CAMK4: variants seen among roughly 807,000 people sequenced by gnomAD.
CAMK4 encodes the protein calcium/calmodulin-dependent protein kinase type IV.
A neutral mutation model predicts 44.9 loss-of-function variants in CAMK4; 22 were observed. The observed-to-expected ratio is 0.49, with a 90% CI of 0.35 to 0.70. The LOEUF (loss-of-function observed/expected upper bound fraction) is 0.70. CAMK4 is among the 30% of genes least tolerant of loss of function. The pLI is 0.01. For synonymous variants in CAMK4, 218 were observed against 215.4 expected, an observed-to-expected ratio of 1.01 and a Z score of -0.11; for missense variants, 498 against 586.8, an observed-to-expected ratio of 0.85 and a Z score of 1.56.
At position 111,253,047 on chromosome 5, in the gene CAMK4, C is replaced by A. The variant is rs534521464; in HGVS notation, c.161+28403C>A. Among the ~76,000 whole-genome samples, 6 of 152,338 alleles carry A rather than the reference C, an allele frequency of 3.9e-5. No individual in the cohort carries two copies. The East Asian group carries it at 1.2e-3, about 29-fold the overall frequency. ...ATTTTTGTCAAACTTGCTTTCTTAT[C>A]TACAGAGAACTTGTTTCTTGTAGGT... On this transcript the variant is annotated intron_variant, in intron 1 of 10. Coordinates refer to ENST00000282356, the MANE Select transcript of CAMK4 (RefSeq NM_001744.6).
At chr5:111,419,380 C>T (rs1259164547) in intron 5 of CAMK4, among the ~76,000 whole-genome samples, 1 of 152,044 alleles carries the variant, frequency 6.6e-6, no homozygotes, top group Non-Finnish European at 1.5e-5. Flanking sequence ...AAATTTTCTC[C>T]CATTTCGTAG....
rs57552178 is a variant in CAMK4 at position 111,238,808 on chromosome 5, C to CT, written c.161+14192dup. ...CTAAAGCTGACTCTCAGAGGCTCTT[C>CT]TTTTTTTTTTTTTTTTTTTTTTTTT... On this transcript the variant is annotated intron_variant, in intron 1 of 10. Coordinates refer to ENST00000282356, the MANE Select transcript of CAMK4 (RefSeq NM_001744.6). Among the ~76,000 whole-genome samples, 360 of 45,938 alleles carry CT rather than the reference C, an allele frequency of 7.8e-3. 20 individuals carry two copies. The highest frequency in any genetic ancestry group is 0.013 in the African/African-American group (145 of 10,986). 30.1% of individuals were successfully genotyped at this position (45,938 alleles called of 152,430 possible). A position where few individuals can be genotyped will look rare whatever the true frequency, so the allele number is the denominator to read the frequency against.
chr5:111,248,785 G>A (rs556302067), intron 1 of CAMK4, among the ~76,000 whole-genome samples: 41 of 152,242 alleles, frequency 2.7e-4, no homozygotes, highest in Non-Finnish European at 5.3e-4. Flanking sequence ...CTAGAGTCTA[G>A]ATGTGATTTA....
chr5:111,227,305 G>T (rs1022163155), intron 1 of CAMK4, among the ~76,000 whole-genome samples: 2 of 152,178 alleles, frequency 1.3e-5, no homozygotes, highest in African/African-American at 4.8e-5. Flanking sequence ...GTTGAACTCA[G>T]GTCATCAGTT....
chr5:111,469,160 AAAAAAAAAAAAAATATATATATATAT>A (rs1487130796), intron 7 of CAMK4, among the ~76,000 whole-genome samples: 13 of 91,392 alleles, frequency 1.4e-4, no homozygotes, highest in African/African-American at 5.2e-4. Context: ...AAAAAAAAAA[AAAAAAAAAAAAAATATATATATATAT>A]ATATATATAT....
At chr5:111,363,680 A>G (rs1750684600) in intron 2 of CAMK4, among the ~76,000 whole-genome samples, 1 of 151,644 alleles carries the variant, frequency 6.6e-6, no homozygotes, top group Non-Finnish European at 1.5e-5. Flanking sequence ...TCAATGAACC[A>G]AGTGAAAAAA....
chr5:111,374,517 T>C (rs942956527), intron 2 of CAMK4, among the ~76,000 whole-genome samples: 3 of 152,038 alleles, frequency 2.0e-5, no homozygotes, highest in African/African-American at 7.2e-5. Flanking sequence ...CAGACTTCCA[T>C]ATAAGAAAGG....
intron 4 of CAMK4, among the ~76,000 whole-genome samples, chr5:111,378,026 T>A (rs1282143978): frequency 6.6e-6 from 1 of 152,116 alleles, no homozygotes; most frequent in African/African-American, 2.4e-5. Flanking sequence ...TCTGAATGTT[T>A]GTGTGCCCCC....
At position 111,493,860 on chromosome 5, in the gene CAMK4, G is replaced by A. The variant is rs947112245; in HGVS notation, c.*9394G>A. The A allele has an allele frequency of 6.6e-6, 1 of 152,124 alleles. No homozygotes were observed. Among genetic ancestry groups the A allele is most frequent in the African/African-American group, 2.4e-5 (1 of 41,430 alleles). The allele number at this position is 152,124 out of a possible 1,614,324, so 9.4% of individuals were successfully genotyped here. A position where few individuals can be genotyped will look rare whatever the true frequency, so the allele number is the denominator to read the frequency against. On this transcript the variant is annotated 3_prime_UTR_variant, in exon 11 of 11. Coordinates refer to ENST00000282356, the MANE Select transcript of CAMK4 (RefSeq NM_001744.6). The surrounding 1 kb of genome is among the most constrained non-coding windows in gnomAD (Gnocchi z 4.1). ...ATTAGTGAATGGCGGCATTATTCCT[G>A]AAGACAAATGAAGGAAGATAGGGAG... is the stretch of plus-strand genomic sequence containing the variant.
intron 5 of CAMK4, among the ~76,000 whole-genome samples, chr5:111,423,880 A>G (rs899362143): frequency 1.3e-5 from 2 of 152,224 alleles, no homozygotes; most frequent in African/African-American, 4.8e-5. Flanking sequence ...TAAAAGCCCT[A>G]AGTACATCAT....
At chr5:111,283,540 T>C (rs566644315) in intron 1 of CAMK4, among the ~76,000 whole-genome samples, 40 of 152,334 alleles carry the variant, frequency 2.6e-4, no homozygotes, top group African/African-American at 9.6e-4. Context: ...CTGATAGCCA[T>C]TGTGGCAGTC....
intron 1 of CAMK4, among the ~76,000 whole-genome samples, chr5:111,282,592 T>C (rs1751070363): frequency 6.6e-6 from 1 of 152,244 alleles, no homozygotes; most frequent in East Asian, 1.9e-4. Flanking sequence ...TTTCAGTTTA[T>C]TTTTTATATT....
At chr5:111,397,899 A>G (rs1752080445) in intron 5 of CAMK4, among the ~76,000 whole-genome samples, 1 of 152,114 alleles carries the variant, frequency 6.6e-6, no homozygotes, top group South Asian at 2.1e-4. Flanking sequence ...ATGTTGTTCT[A>G]CTGACAAAAC....
chr5:111,345,368 G>A (rs896572987), intron 2 of CAMK4, among the ~76,000 whole-genome samples: 14 of 151,890 alleles, frequency 9.2e-5, no homozygotes, highest in Admixed American at 9.2e-4. Context: ...TCTGTTGATT[G>A]ATAAGATTTG....
intron 1 of CAMK4, among the ~76,000 whole-genome samples, chr5:111,318,381 G>A (rs1179889710): frequency 1.3e-5 from 2 of 152,168 alleles, no homozygotes; most frequent in Non-Finnish European, 2.9e-5. Flanking sequence ...GATGAGTAAA[G>A]TGAGGCTCAT....
chr5:111,441,102 G>A (rs1029543621), intron 5 of CAMK4, among the ~76,000 whole-genome samples: 1 of 152,100 alleles, frequency 6.6e-6, no homozygotes, highest in African/African-American at 2.4e-5. Flanking sequence ...TTACCCCAAA[G>A]CACCACTCAT....
At chr5:111,376,772 G>A in intron 3 of CAMK4, 88 bp from the exon 4 acceptor site, 1 of 707,158 alleles carries the variant, frequency 1.4e-6, no homozygotes, top group Non-Finnish European at 2.4e-6. Flanking sequence ...TACTACTGCA[G>A]AATGTTGTTT....
chr5:111,418,747 C>T (rs1423041116), intron 5 of CAMK4, among the ~76,000 whole-genome samples: 1 of 152,104 alleles, frequency 6.6e-6, no homozygotes, highest in Admixed American at 6.5e-5. Context: ...CCAGTTTCAT[C>T]CATGTCCCTA....
At chr5:111,457,504 A>C (rs1475727467) in intron 7 of CAMK4, among the ~76,000 whole-genome samples, 1 of 152,246 alleles carries the variant, frequency 6.6e-6, no homozygotes, top group African/African-American at 2.4e-5. Context: ...GGATGATTCC[A>C]CACACTTGCC....
Sources: gnomAD v4.1 joint callset for allele counts (sites outside exome capture counted in the v4.1 genomes callset) on GRCh38, gnomAD v4.1.1 for gene constraint, Gnocchi (gnomAD v3.1) non-coding constraint, MANE v1.5 for transcripts, NCBI Gene and HGNC (gene_info 2026-07-23, HGNC 2026-07-21) for gene names.